MCTP2: variants seen among roughly 807,000 people sequenced by gnomAD.
MCTP2 encodes the protein multiple C2 and transmembrane domain-containing protein 2.
A neutral mutation model predicts 111.6 loss-of-function variants in MCTP2; 132 were observed. The observed-to-expected ratio is 1.18, with a 90% CI of 1.03 to 1.37. The LOEUF (loss-of-function observed/expected upper bound fraction) is 1.37. Among genes scored for constraint, MCTP2 ranks in the 40% most tolerant of loss-of-function variants. The probability of loss-of-function intolerance (pLI) is 0.00; values close to 1 mark genes in which losing one functional copy is unlikely to be tolerated. For synonymous variants in MCTP2, 395 were observed against 387.7 expected (o/e 1.02, Z -0.22); for missense variants, 1,183 against 1,067.9 (o/e 1.11, Z -1.50).
chr15:94,399,921 G>T lies in MCTP2; in HGVS notation c.1891G>T (p.Val631Leu). The change falls in exon 16 of 23, where the codon GTG becomes TTG. Residue 631 changes from valine (V) to leucine (L), a missense_variant and splice_region_variant. Transcript: ENST00000357742. ...TTTTTAACAAGGATGTCTTTTCTAG[G>T]TGAAAGCAAGTATTAGGACTTTTAC... ...YLEMDLIYNP[V>L]KASIRTFTPR... 1 of 1,613,642 alleles carries T rather than the reference G, an allele frequency of 6.2e-7. No individual in the cohort carries two copies. The highest frequency in any genetic ancestry group is 1.1e-5 in the South Asian group (1 of 91,056).
intron 1 of MCTP2, among the ~76,000 whole-genome samples, chr15:94,246,095 A>G (rs971698650): frequency 6.6e-6 from 1 of 152,100 alleles, no homozygotes; most frequent in African/African-American, 2.4e-5. Context: ...AGAGGTCGTC[A>G]CTTTTATCTC....
intron 21 of MCTP2, among the ~76,000 whole-genome samples, chr15:94,474,008 A>G (rs2074138502): frequency 1.3e-5 from 2 of 151,886 alleles, no homozygotes; most frequent in Non-Finnish European, 2.9e-5. Flanking sequence ...CCACTGATCA[A>G]TTCAATCTAT....
chr15:94,409,001 T>C (rs996963199), intron 17 of MCTP2, among the ~76,000 whole-genome samples: 1 of 152,198 alleles, frequency 6.6e-6, no homozygotes, highest in Admixed American at 6.5e-5. Flanking sequence ...AATTTTCTTT[T>C]CAGGATTCTG....
At chr15:94,396,613 A>G (rs190842221) in intron 14 of MCTP2, among the ~76,000 whole-genome samples, 1 of 152,226 alleles carries the variant, frequency 6.6e-6, no homozygotes, top group Non-Finnish European at 1.5e-5. Flanking sequence ...TTCTGTTACT[A>G]TCTCAATGTT....
At chr15:94,464,507 G>A (rs992922029) in intron 20 of MCTP2, among the ~76,000 whole-genome samples, 2 of 138,330 alleles carry the variant, frequency 1.4e-5, no homozygotes, top group Admixed American at 7.4e-5. Flanking sequence ...TTAGAAATAA[G>A]CACCATTTGC....
chr15:94,243,000 T>G (rs1376492021), intron 1 of MCTP2, among the ~76,000 whole-genome samples: 2 of 95,722 alleles, frequency 2.1e-5, no homozygotes, highest in Non-Finnish European at 4.6e-5. Flanking sequence ...TATATGTGTA[T>G]CTACACATAC....
intron 1 of MCTP2, among the ~76,000 whole-genome samples, chr15:94,236,476 G>A (rs192327277): frequency 4.8e-5 from 7 of 146,312 alleles, no homozygotes; most frequent in African/African-American, 1.8e-4. Flanking sequence ...ATGTGTGCGA[G>A]TGCGTAGAGT....
At chr15:94,314,413 A>AT (rs965300835) in intron 3 of MCTP2, 69 bp downstream of exon 3, 268 of 1,115,106 alleles carry the variant, frequency 2.4e-4, no homozygotes, top group Middle Eastern at 6.1e-4. Flanking sequence ...TTGGGTTTGT[A>AT]TTTTTTTTGC....
At chr15:94,354,644 T>C (rs569156943) in intron 8 of MCTP2, among the ~76,000 whole-genome samples, 1 of 152,332 alleles carries the variant, frequency 6.6e-6, no homozygotes, top group African/African-American at 2.4e-5. Flanking sequence ...AGCAGTGTGA[T>C]AACGGAGTAA....
intron 1 of MCTP2, among the ~76,000 whole-genome samples, chr15:94,280,250 AT>A (rs536230843): frequency 1.3e-5 from 2 of 151,666 alleles, no homozygotes; most frequent in African/African-American, 4.8e-5. Context: ...AGGTTTTTAA[AT>A]TTTTTTTATT....
intron 1 of MCTP2, among the ~76,000 whole-genome samples, chr15:94,270,405 A>G (rs1213815566): frequency 1.3e-5 from 2 of 152,236 alleles, no homozygotes; most frequent in East Asian, 3.8e-4. Flanking sequence ...GATGCTTAGT[A>G]GGAACTAGTA....
intron 20 of MCTP2, among the ~76,000 whole-genome samples, chr15:94,462,129 C>A (rs1023283885): frequency 9.2e-5 from 14 of 152,286 alleles, no homozygotes; most frequent in Admixed American, 7.8e-4. Flanking sequence ...AGGAAATAAT[C>A]CCATTGACAC....
At chr15:94,477,037 C>T (rs1240636433) in intron 22 of MCTP2, among the ~76,000 whole-genome samples, 1 of 152,150 alleles carries the variant, frequency 6.6e-6, no homozygotes, top group Non-Finnish European at 1.5e-5. Flanking sequence ...TGTGTGGCTA[C>T]TGGGCACTGA....
At chr15:94,436,406 C>T (rs1482850999) in intron 17 of MCTP2, among the ~76,000 whole-genome samples, 1 of 151,886 alleles carries the variant, frequency 6.6e-6, no homozygotes, top group Non-Finnish European at 1.5e-5. Flanking sequence ...ATTTGCTTTC[C>T]TTGAAAGATG....
rs966355872 is a variant in MCTP2, at chr15:94,483,771, G to A, written c.*4737G>A. The A allele has an allele frequency of 6.6e-5, 10 of 152,064 alleles. No homozygotes were observed. The East Asian group carries it at 1.2e-3, about 18-fold the overall frequency. 9.4% of individuals were successfully genotyped at this position (152,064 alleles called of 1,614,324 possible). ...TGAGTACCAGGCTTAATACATGGGC[G>A]ATGAAATAATCTGTATGACAAGCCT... On this transcript the variant is annotated 3_prime_UTR_variant, in exon 23 of 23. Transcript: ENST00000357742.
At chr15:94,471,071 G>T (rs928436135) in intron 21 of MCTP2, among the ~76,000 whole-genome samples, 3 of 152,182 alleles carry the variant, frequency 2.0e-5, no homozygotes, top group Admixed American at 2.0e-4. Context: ...GTCATGACTT[G>T]ATTTAATACT....
intron 1 of MCTP2, among the ~76,000 whole-genome samples, chr15:94,297,089 C>T (rs1258937193): frequency 6.6e-6 from 1 of 152,204 alleles, no homozygotes; most frequent in East Asian, 1.9e-4. Flanking sequence ...CTTTTGGCCT[C>T]AGCCAAATGT....
At chr15:94,409,894 C>CCT (rs1225731773) in intron 17 of MCTP2, among the ~76,000 whole-genome samples, 8 of 145,912 alleles carry the variant, frequency 5.5e-5, no homozygotes, top group African/African-American at 7.6e-5. Context: ...CCCCTCCCTC[C>CCT]CTCTCTCTCT....
chr15:94,249,290 A>T (rs1351233925), intron 1 of MCTP2, among the ~76,000 whole-genome samples: 5 of 152,200 alleles, frequency 3.3e-5, no homozygotes, highest in African/African-American at 4.8e-5. Flanking sequence ...GCTGTGCCAT[A>T]TCTGGAGTTA....
Sources: allele counts gnomAD v4.1 joint callset (sites outside exome capture counted in the v4.1 genomes callset), GRCh38; gene constraint gnomAD v4.1.1; transcripts MANE v1.5; gene names NCBI Gene and HGNC (gene_info 2026-07-23, HGNC 2026-07-21).